TENM3: variants seen among roughly 807,000 people sequenced by gnomAD.
The protein encoded by TENM3 is teneurin transmembrane protein 3.
TENM3 carries 63 observed loss-of-function variants against 255.1 expected under a neutral mutation model. That is an observed-to-expected ratio of 0.25 (90% CI 0.20 to 0.30). The LOEUF (loss-of-function observed/expected upper bound fraction) is 0.30, where lower values mean the gene tolerates loss of function less well. Ranked by LOEUF, TENM3 falls within the 10% of genes least tolerant of loss-of-function variation. The pLI, the probability that TENM3 is intolerant of heterozygous loss-of-function variation, is 1.00. For missense variants in TENM3, 2,929 were observed against 3,461.1 expected (o/e 0.85, Z 3.86); for synonymous variants, 1,306 against 1,322.3 (o/e 0.99, Z 0.27).
At chr4:182,144,524 T>G (rs1199582613), upstream of TENM3, 3 of 147,200 alleles carry the variant, frequency 2.0e-5, no homozygotes, top group African/African-American at 7.5e-5. Context: ...CGCCCTCCCC[T>G]CCCGCGTCCC....
At chr4:182,328,825 A>G (rs1763582176) in intron 2 of TENM3, among the ~76,000 whole-genome samples, 1 of 152,076 alleles carries the variant, frequency 6.6e-6, no homozygotes, top group African/African-American at 2.4e-5. Flanking sequence ...GTTCAAGGCC[A>G]GTTCAAGTGT....
chr4:181,867,875 G>C, the TENM3 span, among the ~76,000 whole-genome samples: 3 of 152,042 alleles, frequency 2.0e-5, no homozygotes, highest in African/African-American at 7.3e-5. Context: ...TAAGCACAAA[G>C]CTAATGTTTA....
At chr4:181,762,875 C>T in the TENM3 span, among the ~76,000 whole-genome samples, 3 of 151,136 alleles carry the variant, frequency 2.0e-5, no homozygotes, top group South Asian at 2.1e-4. Context: ...GCTATTATTA[C>T]GTGGAAGACT....
chr4:181,630,216 A>G, the TENM3 span, among the ~76,000 whole-genome samples: 1 of 151,758 alleles, frequency 6.6e-6, no homozygotes, highest in African/African-American at 2.4e-5. Flanking sequence ...TGTCTATTTG[A>G]TTCTTCTCTC....
At chr4:181,700,462 T>A in the TENM3 span, among the ~76,000 whole-genome samples, 3 of 152,212 alleles carry the variant, frequency 2.0e-5, no homozygotes, top group Non-Finnish European at 2.9e-5. Flanking sequence ...TGTGATCTCA[T>A]TAAGCATAGG....
rs1756101295 is a variant in TENM3, at chr4:182,680,681, G to A, written c.1778G>A (p.Cys593Tyr). 1 of 1,603,846 alleles carries A rather than the reference G, an allele frequency of 6.2e-7. No homozygotes were observed. The highest frequency in any genetic ancestry group is 1.8e-5 in the Admixed American group (1 of 56,880). The change falls in exon 10 of 28, where the codon TGT (cysteine) becomes TAT (tyrosine). Residue 593 changes from cysteine to tyrosine, a missense_variant. By Grantham distance (194) the Cys-to-Tyr change is radical. This residue lies in a region of TENM3 where 1,608 missense variants were observed against 1,884.4 expected (regional missense o/e 0.85). Coordinates refer to ENST00000511685, the MANE Select transcript of TENM3 (RefSeq NM_001080477.4). The stretch of plus-strand genomic sequence containing the variant: ...CCACAGTGTGGGGGTCGTGGGATTT[G>A]TATCATGGGCTCTTGTGCTTGCAAC... The part of the protein sequence containing the change: ...IDPQCGGRGI[C>Y]IMGSCACNSG...
At chr4:181,757,934 T>C in the TENM3 span, among the ~76,000 whole-genome samples, 1 of 152,172 alleles carries the variant, frequency 6.6e-6, no homozygotes, top group Non-Finnish European at 1.5e-5. Context: ...CTTTGATCTA[T>C]GATTTGCAAG....
chr4:182,095,749 A>T, the TENM3 span, among the ~76,000 whole-genome samples: 1 of 152,248 alleles, frequency 6.6e-6, no homozygotes, highest in South Asian at 2.1e-4. Context: ...AAAAAAATAT[A>T]AATTCTTGAG....
chr4:182,466,175 TC>T (rs1732569054), intron 3 of TENM3, among the ~76,000 whole-genome samples: 1 of 152,126 alleles, frequency 6.6e-6, no homozygotes, highest in Non-Finnish European at 1.5e-5. Context: ...GTATGATTGT[TC>T]CCTAGGGCTC....
At chr4:181,998,691 C>T in the TENM3 span, among the ~76,000 whole-genome samples, 1 of 152,160 alleles carries the variant, frequency 6.6e-6, no homozygotes, top group Non-Finnish European at 1.5e-5. Flanking sequence ...AAGCTCAAAC[C>T]TCTCCAGCCA....
At chr4:181,619,292 T>C in the TENM3 span, among the ~76,000 whole-genome samples, 1 of 152,164 alleles carries the variant, frequency 6.6e-6, no homozygotes, top group African/African-American at 2.4e-5. Context: ...TAGCCCTTTA[T>C]TAAAGCCTTC....
At chr4:182,306,404 G>T (rs763549565) in intron 1 of TENM3, among the ~76,000 whole-genome samples, 1 of 151,984 alleles carries the variant, frequency 6.6e-6, no homozygotes, top group Non-Finnish European at 1.5e-5. Flanking sequence ...TACTTTGAAA[G>T]CATACGTGAA....
chr4:182,283,107 A>G (rs1024480219), intron 1 of TENM3, among the ~76,000 whole-genome samples: 5 of 152,196 alleles, frequency 3.3e-5, no homozygotes, highest in Non-Finnish European at 7.3e-5. Context: ...CCACTTGGAT[A>G]CTTACCGCAT....
At chr4:182,099,863 G>A in the TENM3 span, among the ~76,000 whole-genome samples, 1 of 152,108 alleles carries the variant, frequency 6.6e-6, no homozygotes, top group Non-Finnish European at 1.5e-5. Flanking sequence ...CAGAAGTTAT[G>A]AGGTAAAGAG....
intron 24 of TENM3, among the ~76,000 whole-genome samples, chr4:182,784,319 G>A (rs1406053963): frequency 1.3e-5 from 2 of 152,030 alleles, no homozygotes; most frequent in Non-Finnish European, 2.9e-5. Flanking sequence ...TGCCGTGTGA[G>A]GTGTCAGTGT....
At chr4:182,371,222 C>T (rs1284709422) in intron 3 of TENM3, among the ~76,000 whole-genome samples, 1 of 112,350 alleles carries the variant, frequency 8.9e-6, no homozygotes, top group South Asian at 3.4e-4. Flanking sequence ...AAAAATTCTC[C>T]TCCCCATCAC....
At chr4:182,274,002 G>T (rs1055821933) in intron 1 of TENM3, among the ~76,000 whole-genome samples, 1 of 152,154 alleles carries the variant, frequency 6.6e-6, no homozygotes, top group Admixed American at 6.5e-5. Context: ...TCCCTACAAT[G>T]GACCTGTTAG....
chr4:181,829,171 A>G, the TENM3 span, among the ~76,000 whole-genome samples: 4 of 152,210 alleles, frequency 2.6e-5, no homozygotes, highest in Non-Finnish European at 4.4e-5. Flanking sequence ...TTAGATCACG[A>G]AAGAGTGAAT....
chr4:182,498,245 A>G (rs1169347614), intron 3 of TENM3, among the ~76,000 whole-genome samples: 1 of 152,162 alleles, frequency 6.6e-6, no homozygotes, highest in Non-Finnish European at 1.5e-5. Flanking sequence ...AATTTCTTTA[A>G]CACCTAGTGA....
Sources: allele counts gnomAD v4.1 joint callset (sites outside exome capture counted in the v4.1 genomes callset), GRCh38; gene constraint gnomAD v4.1.1; regional missense constraint gnomAD v4.1.1; transcripts MANE v1.5; gene names NCBI Gene and HGNC (gene_info 2026-07-23, HGNC 2026-07-21).